The following UBAC2 variants were observed in gnomAD, a reference collection of about 807,000 sequenced individuals.
The protein encoded by UBAC2 is ubiquitin-associated domain-containing protein 2.
Under a neutral mutation model 44.0 loss-of-function variants are expected in UBAC2, and 26 were observed. That is an observed-to-expected ratio of 0.59 (90% confidence interval 0.43 to 0.82). UBAC2 has a LOEUF of 0.82. Among genes scored for constraint, UBAC2 ranks in the 40% least tolerant of loss-of-function variants. The pLI, the probability that UBAC2 is intolerant of heterozygous loss-of-function variation, is 0.00. For missense variants in UBAC2, 329 were observed against 419.4 expected (o/e 0.78, Z 1.88); for synonymous variants, 155 against 154.3 (o/e 1.00, Z -0.04).
chr13:99,379,598 C>T (rs190110236), intron 8 of UBAC2, among the ~76,000 whole-genome samples: 11 of 152,314 alleles, frequency 7.2e-5, no homozygotes, highest in Admixed American at 2.0e-4. Flanking sequence ...GGGATCCATC[C>T]TCGGTACATG....
intron 1 of UBAC2, among the ~76,000 whole-genome samples, chr13:99,213,134 A>C (rs2042953206): frequency 6.6e-6 from 1 of 152,204 alleles, no homozygotes; most frequent in South Asian, 2.1e-4. Flanking sequence ...TTTTATACAG[A>C]AATGGCATTC....
chr13:99,374,715 T>A (rs2045457432), intron 8 of UBAC2, among the ~76,000 whole-genome samples: 1 of 152,162 alleles, frequency 6.6e-6, no homozygotes. Context: ...TTGAGACACA[T>A]CTCGTGCTTC....
chr13:99,341,091 A>T (rs1251506551), intron 7 of UBAC2, among the ~76,000 whole-genome samples: 1 of 152,222 alleles, frequency 6.6e-6, no homozygotes, highest in East Asian at 1.9e-4. Context: ...TTTGTCTACA[A>T]ATTCTGCATC....
chr13:99,365,721 A>G (rs2045321436), intron 7 of UBAC2, among the ~76,000 whole-genome samples: 2 of 152,210 alleles, frequency 1.3e-5, no homozygotes, highest in Admixed American at 1.3e-4. Flanking sequence ...ATGGAAAAGA[A>G]TGTATATTCT....
chr13:99,334,706 G>C (rs537314158), intron 6 of UBAC2, among the ~76,000 whole-genome samples: 1 of 152,052 alleles, frequency 6.6e-6, no homozygotes, highest in African/African-American at 2.4e-5. Context: ...ACAAAAGAAC[G>C]TAGGAAAGGG....
At chr13:99,342,356 C>T (rs1292692861) in intron 7 of UBAC2, among the ~76,000 whole-genome samples, 1 of 152,150 alleles carries the variant, frequency 6.6e-6, no homozygotes, top group Non-Finnish European at 1.5e-5. Flanking sequence ...AGGGTTAGGG[C>T]TTCAGCGTGT....
At chr13:99,372,163 C>T (rs1274268482) in intron 8 of UBAC2, 2 of 152,276 alleles carry the variant, frequency 1.3e-5, no homozygotes, top group South Asian at 2.1e-4. Flanking sequence ...GCTAGCTAGA[C>T]AGTCAGGATG....
intron 1 of UBAC2, chr13:99,201,364 G>C (rs1056902675): frequency 6.4e-7 from 1 of 1,573,788 alleles, no homozygotes; most frequent in African/African-American, 1.3e-5. Context: ...GCCCCCACTT[G>C]CAAAGTTCAG....
At chr13:99,317,887 A>G (rs2138775682) in intron 5 of UBAC2, 135 bp from the exon 6 acceptor site, 1 of 592,820 alleles carries the variant, frequency 1.7e-6, no homozygotes, top group Non-Finnish European at 2.7e-6. Flanking sequence ...CTAATTTTCC[A>G]TTTGCTTCTC....
rs2142622080 is a variant in UBAC2 at position 99,200,932 on chromosome 13, T to A, written c.24T>A (p.Ser8Arg). The A allele has an allele frequency of 7.7e-7, 1 of 1,306,566 alleles. No homozygotes were observed. Among genetic ancestry groups the A allele is most frequent in the Non-Finnish European group, 9.8e-7 (1 of 1,019,422 alleles). 80.9% of individuals were successfully genotyped at this position (1,306,566 alleles called of 1,614,324 possible). ...CCATGTTCACCAGCACCGGCTCCAG[T>A]GGGCTCTGTGAGTACCGGCCTCCGC... MFTSTGS[S>R]GLYKAPLSKS... Residue 8 changes from serine to arginine, a missense_variant, in exon 1 of 9, where the codon AGT becomes AGA. Coordinates refer to ENST00000403766, the MANE Select transcript of UBAC2 (RefSeq NM_001144072.2).
intron 4 of UBAC2, among the ~76,000 whole-genome samples, chr13:99,246,733 G>A (rs1012051623): frequency 1.1e-4 from 17 of 152,158 alleles, no homozygotes; most frequent in Admixed American, 3.3e-4. Flanking sequence ...GAAGAGGGAA[G>A]GGATTTACCT....
intron 1 of UBAC2, among the ~76,000 whole-genome samples, chr13:99,203,719 C>G (rs2042834181): frequency 6.6e-6 from 1 of 152,226 alleles, no homozygotes; most frequent in African/African-American, 2.4e-5. Flanking sequence ...GAGAGGGTAA[C>G]TGCAAAGACC....
chr13:99,335,909 CT>C (rs1566508473), intron 6 of UBAC2, among the ~76,000 whole-genome samples: 3 of 151,794 alleles, frequency 2.0e-5, no homozygotes, highest in African/African-American at 4.8e-5. Flanking sequence ...AATCCCAGCA[CT>C]TAGGGAGGCA....
chr13:99,222,181 G>A (rs571126152), intron 1 of UBAC2, among the ~76,000 whole-genome samples: 11 of 152,152 alleles, frequency 7.2e-5, no homozygotes, highest in East Asian at 5.8e-4. Flanking sequence ...TGAAGGAGAC[G>A]GACAAAGAAG....
At chr13:99,377,064 T>A (rs2045490150) in intron 8 of UBAC2, 1 of 152,360 alleles carries the variant, frequency 6.6e-6, no homozygotes, top group South Asian at 2.1e-4. Context: ...AGAGTCTCAG[T>A]GTCCTACCAG....
chr13:99,255,585 A>T, intron 4 of UBAC2: 1 of 1,614,230 alleles, frequency 6.2e-7, no homozygotes, highest in Non-Finnish European at 8.5e-7. Context: ...GAGCTCCAAG[A>T]ATCTGGCAGA....
At chr13:99,355,403 C>T (rs1195217102) in intron 7 of UBAC2, among the ~76,000 whole-genome samples, 12 of 152,184 alleles carry the variant, frequency 7.9e-5, no homozygotes, top group African/African-American at 2.9e-4. Context: ...CCGTCACCAG[C>T]GTTCAGTGCT....
intron 1 of UBAC2, among the ~76,000 whole-genome samples, chr13:99,211,275 A>G (rs2142655293): frequency 6.6e-6 from 1 of 152,318 alleles, no homozygotes; most frequent in East Asian, 1.9e-4. Flanking sequence ...AGCTAGTAGT[A>G]TGTGGAAGAG....
In UBAC2 at chr13:99,317,570, A is replaced by G. The variant is rs112239164; in HGVS notation, c.514-452A>G. Among the ~76,000 whole-genome samples, 453 of 152,354 alleles carry G rather than the reference A, an allele frequency of 3.0e-3. 1 individual carries two copies. Among genetic ancestry groups the G allele is most frequent in the African/African-American group, 0.01 (428 of 41,568 alleles). On this transcript the variant is annotated intron_variant, in intron 5 of 8. Coordinates refer to ENST00000403766, the MANE Select transcript of UBAC2 (RefSeq NM_001144072.2). ...TAAGTAGGCTGGCAGGGTTCTTCCC[A>G]TCTAAATTTAGGGTGACAATGTTAA... is the stretch of plus-strand genomic sequence containing the variant.
Sources: gnomAD v4.1 joint callset for allele counts (sites outside exome capture counted in the v4.1 genomes callset) on GRCh38, gnomAD v4.1.1 for gene constraint, MANE v1.5 for transcripts, NCBI Gene and HGNC (gene_info 2026-07-23, HGNC 2026-07-21) for gene names.